RBFOX3: variants seen among roughly 807,000 people sequenced by gnomAD.
The protein encoded by RBFOX3 is RNA binding fox-1 homolog 3, also known as RNA binding protein fox-1 homolog 3.
RBFOX3 carries 17 observed loss-of-function variants against 48.7 expected under a neutral mutation model. That is an observed-to-expected ratio of 0.35 (90% CI 0.24 to 0.52). RBFOX3 has a LOEUF of 0.52. Ranked by LOEUF, RBFOX3 falls within the 20% of genes least tolerant of loss-of-function variation. The probability of loss-of-function intolerance (pLI) is 0.94; values close to 1 mark genes in which losing one functional copy is unlikely to be tolerated. For synonymous variants in RBFOX3, 212 were observed against 209.5 expected (o/e 1.01, Z -0.10); for missense variants, 382 against 497.5 (o/e 0.77, Z 2.21).
At position 79,419,180 on chromosome 17, in the gene RBFOX3, T is replaced by C. The variant is rs111728360; in HGVS notation, c.-175+63274A>G. Among the ~76,000 whole-genome samples, 1,328 of 152,244 alleles carry C rather than the reference T, an allele frequency of 8.7e-3. 28 individuals carry two copies. Among genetic ancestry groups the C allele is most frequent in the African/African-American group, 0.03 (1,265 of 41,536 alleles). On this transcript the variant is annotated intron_variant, in intron 2 of 14. Coordinates refer to ENST00000693108, the MANE Select transcript of RBFOX3 (RefSeq NM_001350451.2). Reference sequence around the variant, plus strand: ...GGCCATGCCTGTGCACACATGTGTGTATGGATGTTTCAGGCATACGTGGCT... The same window carrying C: ...GGCCATGCCTGTGCACACATGTGTGCATGGATGTTTCAGGCATACGTGGCT...
At chr17:79,326,969 C>A (rs1444329975) in intron 2 of RBFOX3, among the ~76,000 whole-genome samples, 2 of 152,232 alleles carry the variant, frequency 1.3e-5, no homozygotes, top group African/African-American at 4.8e-5. Context: ...TAAGTGGCTT[C>A]CTTGAAGCTG....
rs1322905809 is a variant in RBFOX3 at position 79,471,813 on chromosome 17, C to T, written c.-175+10641G>A. 5.3e-5 allele frequency among the ~76,000 whole-genome samples: 8 copies of T among 152,330 alleles called. No individual in the cohort carries two copies. The highest frequency in any genetic ancestry group is 1.9e-4 in the East Asian group (1 of 5,178). ...TGCATCACTCCTGCATCACACCTAG[C>T]GCCCCGTGTGTGACCCGGGATCCCA... On this transcript the variant is annotated intron_variant, in intron 2 of 14. Coordinates refer to ENST00000693108, the MANE Select transcript of RBFOX3 (RefSeq NM_001350451.2). This position sits in a 1 kb window ranked among gnomAD's most constrained non-coding sequence, Gnocchi z 4.0.
chr17:79,145,614 T>C (rs2042873087), intron 4 of RBFOX3, among the ~76,000 whole-genome samples: 2 of 152,244 alleles, frequency 1.3e-5, no homozygotes, highest in African/African-American at 4.8e-5. Flanking sequence ...AGAGGCCTGC[T>C]GAGCACTGGC....
At chr17:79,597,534 G>A (rs1465444168) in intron 1 of RBFOX3, among the ~76,000 whole-genome samples, 2 of 152,224 alleles carry the variant, frequency 1.3e-5, no homozygotes, top group African/African-American at 4.8e-5. Context: ...TGCCTGACAG[G>A]AGGAAGGGAT....
intron 4 of RBFOX3, among the ~76,000 whole-genome samples, chr17:79,209,590 T>C (rs1223139043): frequency 6.6e-6 from 1 of 152,220 alleles, no homozygotes; most frequent in Non-Finnish European, 1.5e-5. Flanking sequence ...GGTACCCCAG[T>C]GTCCAGCATA....
At chr17:79,289,176 G>A (rs866865519) in intron 3 of RBFOX3, among the ~76,000 whole-genome samples, 7 of 152,170 alleles carry the variant, frequency 4.6e-5, no homozygotes, top group African/African-American at 1.7e-4. Flanking sequence ...TCTCCAATAC[G>A]TTCCGCACAG....
chr17:79,549,461 T>C (rs973608257), intron 1 of RBFOX3, among the ~76,000 whole-genome samples: 47 of 152,374 alleles, frequency 3.1e-4, no homozygotes, highest in African/African-American at 1.1e-3. Flanking sequence ...GCAAAGCTAA[T>C]GTTTCTGCAG....
intron 2 of RBFOX3, among the ~76,000 whole-genome samples, chr17:79,424,557 T>C (rs1435171671): frequency 2.6e-5 from 4 of 152,172 alleles, no homozygotes; most frequent in African/African-American, 4.8e-5. Context: ...TGGGGCTTCT[T>C]CCTGTCTCCA....
At chr17:79,187,656 G>C (rs1446283528) in intron 4 of RBFOX3, among the ~76,000 whole-genome samples, 2 of 152,100 alleles carry the variant, frequency 1.3e-5, no homozygotes, top group Admixed American at 6.5e-5. Context: ...GGTGTGGGGA[G>C]AGCCAAGAAG....
At chr17:79,576,334 T>C (rs1175563932) in intron 1 of RBFOX3, among the ~76,000 whole-genome samples, 1 of 151,786 alleles carries the variant, frequency 6.6e-6, no homozygotes, top group African/African-American at 2.4e-5. Flanking sequence ...AAGATGGAGA[T>C]CACAGAGATG....
At chr17:79,635,103 G>A in the RBFOX3 span, among the ~76,000 whole-genome samples, 4 of 116,670 alleles carry the variant, frequency 3.4e-5, no homozygotes, top group African/African-American at 6.6e-5. Context: ...AAAAAAAAAC[G>A]TTGGCACTGA....
At chr17:79,615,429 G>A (rs1010948435), upstream of RBFOX3, among the ~76,000 whole-genome samples, 87 of 152,266 alleles carry the variant, frequency 5.7e-4, no homozygotes, top group African/African-American at 1.9e-3. Context: ...TGGGAGAGGA[G>A]GGAGGGCAGG....
chr17:79,367,769 C>T (rs978744741), intron 2 of RBFOX3, among the ~76,000 whole-genome samples: 1 of 152,096 alleles, frequency 6.6e-6, no homozygotes, highest in Non-Finnish European at 1.5e-5. Flanking sequence ...TTTGGGGGGT[C>T]TCTGTGGCAG....
chr17:79,575,819 A>G (rs2144671820), intron 1 of RBFOX3, among the ~76,000 whole-genome samples: 1 of 152,258 alleles, frequency 6.6e-6, no homozygotes, highest in South Asian at 2.1e-4. Flanking sequence ...GCCCCTCCCC[A>G]TAAGGCTGCA....
chr17:79,152,548 G>A (rs2044785593), intron 4 of RBFOX3, among the ~76,000 whole-genome samples: 1 of 152,178 alleles, frequency 6.6e-6, no homozygotes, highest in South Asian at 2.1e-4. Context: ...CCCGCTTAAC[G>A]CCCCACAAGC....
At chr17:79,499,926 T>C (rs1454309591) in intron 1 of RBFOX3, among the ~76,000 whole-genome samples, 3 of 152,214 alleles carry the variant, frequency 2.0e-5, no homozygotes, top group Non-Finnish European at 4.4e-5. Flanking sequence ...TTGCAGTTTT[T>C]CCTGCAAAAG....
intron 2 of RBFOX3, among the ~76,000 whole-genome samples, chr17:79,468,351 G>A (rs2076583493): frequency 6.6e-6 from 1 of 152,224 alleles, no homozygotes; most frequent in Admixed American, 6.5e-5. Flanking sequence ...TAGACAGGCA[G>A]GTAGACAGGT....
At chr17:79,656,683 G>GAGAGAGACAGAGAAAGAAAGAAAGAA in the RBFOX3 span, among the ~76,000 whole-genome samples, 1 of 39,552 alleles carries the variant, frequency 2.5e-5, no homozygotes, top group Admixed American at 3.6e-4. Flanking sequence ...GAAGGAAGGA[G>GAGAGAGACAGAGAAAGAAAGAAAGAA]GGAAGGAAGG....
intron 4 of RBFOX3, among the ~76,000 whole-genome samples, chr17:79,160,180 G>A (rs1014956835): frequency 6.6e-6 from 1 of 152,260 alleles, no homozygotes; most frequent in Non-Finnish European, 1.5e-5. Flanking sequence ...TCCAGGCCGG[G>A]AGGAAAAATC....
Sources: gnomAD v4.1 joint callset for allele counts (sites outside exome capture counted in the v4.1 genomes callset) on GRCh38, gnomAD v4.1.1 for gene constraint, Gnocchi (gnomAD v3.1) non-coding constraint, MANE v1.5 for transcripts, NCBI Gene and HGNC (gene_info 2026-07-23, HGNC 2026-07-21) for gene names.